The following P3H4 variants were observed in gnomAD, a reference collection of about 807,000 sequenced individuals.
P3H4 encodes prolyl 3-hydroxylase family member 4 (inactive).
Under a neutral mutation model 52.9 loss-of-function variants are expected in P3H4, and 47 were observed. The ratio of observed to expected loss-of-function variants is 0.89; its 90% CI spans 0.70 to 1.13. P3H4 has a LOEUF of 1.13. Among genes scored for constraint, P3H4 ranks in the 50% most tolerant of loss-of-function variants. P3H4 has a pLI of 0.00. For synonymous variants in P3H4, 256 were observed against 267.9 expected, an observed-to-expected ratio of 0.96 and a Z score of 0.44; for missense variants, 585 against 611.0, an observed-to-expected ratio of 0.96 and a Z score of 0.45.
At chr17:41,803,577 C>G (rs1315632434) in intron 6 of P3H4, 146 bp from the exon 7 acceptor site, 2 of 731,154 alleles carry the variant, frequency 2.7e-6, no homozygotes, top group Non-Finnish European at 2.2e-6. Context: ...TCTAATGAGA[C>G]AGTCCTGAGG....
At chr17:41,809,540 C>T (rs1297633485) in intron 4 of P3H4, among the ~76,000 whole-genome samples, 166 bp downstream of exon 4, 2 of 152,170 alleles carry the variant, frequency 1.3e-5, no homozygotes, top group Non-Finnish European at 2.9e-5. Context: ...CTGCCCCAGA[C>T]TCCCAGGGTG....
rs1408645084 is a variant in P3H4, at chr17:41,802,410, G to A, written c.*547C>T. On this transcript the variant is annotated 3_prime_UTR_variant, in exon 8 of 8. Transcript: ENST00000393928. ...TCCTGCCTCAGCTACGATTACAGGT[G>A]TGTGCCACCATGCCTGGCTAATTTT... The A allele has an allele frequency of 6.5e-6, 1 of 154,628 alleles. No individual in the cohort carries two copies. Among genetic ancestry groups the A allele is most frequent in the East Asian group, 1.9e-4 (1 of 5,174 alleles). The allele number at this position is 154,628 out of a possible 1,614,324, so 9.6% of individuals were successfully genotyped here.
Position 41,806,792 on chromosome 17 carries a change from T to TC in P3H4, c.1146+3dup. 2 of 1,612,534 alleles carry TC rather than the reference T, an allele frequency of 1.2e-6. No individual in the cohort carries two copies. The highest frequency in any genetic ancestry group is 1.7e-4 in the Middle Eastern group (1 of 6,056). ...CCCAATCCTGGAAAGCAGGAGGCAC[T>TC]CACCTCATCATCTGACTGCAGGTAC... On this transcript the variant is annotated splice_donor_region_variant and intron_variant, in intron 6 of 7. Coordinates refer to ENST00000393928, the MANE Select transcript of P3H4 (RefSeq NM_006455.3).
At chr17:41,806,947 C>T in intron 5 of P3H4, 68 bp from the exon 6 acceptor site, 1 of 1,246,098 alleles carries the variant, frequency 8.0e-7, no homozygotes, top group Non-Finnish European at 1.2e-6. Flanking sequence ...GAAGCCAGGG[C>T]TCCTAGGATC....
chr17:41,811,457 G>A lies in P3H4; in HGVS notation c.459C>T (p.Phe153=), dbSNP rs199832526. 9.1e-4 allele frequency: 1,466 copies of A among 1,612,260 alleles called. 5 individuals carry two copies. The highest frequency in any genetic ancestry group is 9.4e-4 in the Non-Finnish European group (1,110 of 1,179,724). ...CCGGGTGGGGGCGGGCTCCCACCTT[G>A]AACAGCGCGTAGTGCAGGTACTGGT... is the stretch of plus-strand genomic sequence containing the variant. ...LPYQYLHYAL[F]KANRLEKAVA... Residue 153 remains phenylalanine, a synonymous_variant, in exon 1 of 8, where the codon TTC becomes TTT. Transcript: ENST00000393928. This position sits in a 1 kb window ranked among gnomAD's most constrained non-coding sequence, Gnocchi z 4.8.
chr17:41,810,354 A>C (rs1334288597), intron 3 of P3H4, among the ~76,000 whole-genome samples: 2 of 151,742 alleles, frequency 1.3e-5, no homozygotes, highest in East Asian at 3.9e-4. Context: ...TTGTACTTTC[A>C]GTAGAGACGG....
intron 6 of P3H4, among the ~76,000 whole-genome samples, chr17:41,804,500 C>T (rs1430792757): frequency 2.0e-5 from 3 of 151,978 alleles, no homozygotes; most frequent in South Asian, 2.1e-4. Flanking sequence ...TGGTGGCACA[C>T]GCCTGTAATC....
rs183912954 is a variant in P3H4, at chr17:41,807,428, A to T, written c.1062+431T>A. 6.1e-3 allele frequency: 951 copies of T among 156,584 alleles called. 6 individuals carry two copies. Among genetic ancestry groups the T allele is most frequent in the Middle Eastern group, 0.03 (9 of 300 alleles). The allele number at this position is 156,584 out of a possible 1,614,324, so 9.7% of individuals were successfully genotyped here. A position where few individuals can be genotyped will look rare whatever the true frequency, so the allele number is the denominator to read the frequency against. On this transcript the variant is annotated intron_variant, in intron 5 of 7. Transcript: ENST00000393928. ...CTCTGAAGCCAGGACTCTAACCTCAACTCATATTCTTTCTTTCCATTTCCC... is the reference window on the plus strand; with the variant it reads ...CTCTGAAGCCAGGACTCTAACCTCATCTCATATTCTTTCTTTCCATTTCCC...
intron 3 of P3H4, among the ~76,000 whole-genome samples, chr17:41,810,205 G>A (rs887502948): frequency 5.3e-5 from 7 of 132,294 alleles, no homozygotes; most frequent in African/African-American, 2.0e-4. Flanking sequence ...ACAGAGTCTC[G>A]CCCTGTCGAC....
At position 41,807,998 on chromosome 17, in the gene P3H4, T is replaced by C; in HGVS notation, c.923A>G (p.Asp308Gly). The C allele has an allele frequency of 6.2e-7, 1 of 1,613,390 alleles. No homozygotes were observed. The highest frequency in any genetic ancestry group is 8.5e-7 in the Non-Finnish European group (1 of 1,179,630). The change falls in exon 5 of 8, where the codon GAT (aspartate) becomes GGT (glycine). Residue 308 changes from aspartate to glycine, a missense_variant. Coordinates refer to ENST00000393928, the MANE Select transcript of P3H4 (RefSeq NM_006455.3). ...YLQFAYYKLNDVRQAARSAAS... is the reference protein window; with the variant it reads ...YLQFAYYKLNGVRQAARSAAS... ...GGCGCTGCGGGCAGCCTGGCGCACA[T>C]CATTCACTGCAGCAGGACAGGGGTG...
intron 5 of P3H4, 82 bp from the exon 6 acceptor site, chr17:41,806,961 GC>G: frequency 1.0e-6 from 1 of 983,894 alleles, no homozygotes; most frequent in Non-Finnish European, 1.6e-6. Context: ...TAGGATCTGG[GC>G]CCACTGGCCC....
At chr17:41,803,129 C>T (rs2047635571) in intron 7 of P3H4, 150 bp from the exon 8 acceptor site, 13 of 1,419,864 alleles carry the variant, frequency 9.2e-6, no homozygotes, top group Non-Finnish European at 1.2e-5. Flanking sequence ...CCACCACCCC[C>T]AAGCGGGACA....
At chr17:41,805,975 C>G (rs1164453610) in intron 6 of P3H4, among the ~76,000 whole-genome samples, 1 of 152,120 alleles carries the variant, frequency 6.6e-6, no homozygotes, top group African/African-American at 2.4e-5. Flanking sequence ...AATCCCAGCA[C>G]TTTGGGAGAC....
chr17:41,809,017 C>T (rs4796708), intron 4 of P3H4, among the ~76,000 whole-genome samples: 53,170 of 152,016 alleles, frequency 0.35, 9,669 homozygotes, highest in East Asian at 0.45. Context: ...GTCATAAGAC[C>T]AACAGCCCCT....
intron 6 of P3H4, 101 bp from the exon 7 acceptor site, chr17:41,803,532 G>T: frequency 9.5e-7 from 1 of 1,052,562 alleles, no homozygotes; most frequent in Non-Finnish European, 1.4e-6. Context: ...CCATCTCTCG[G>T]TCCCCAAAGC....
chr17:41,809,659 C>T lies in P3H4; in HGVS notation c.916+47G>A, dbSNP rs376477099. ...GGGAGGCTCCCATACAGTCCTCTCC[C>T]TTATCACCTCGTCCCCTGCCCAAGC... is the stretch of plus-strand genomic sequence containing the variant. On this transcript the variant is annotated intron_variant, in intron 4 of 7. Coordinates refer to ENST00000393928, the MANE Select transcript of P3H4 (RefSeq NM_006455.3). 14 of 1,599,472 alleles carry T rather than the reference C, an allele frequency of 8.8e-6. No homozygotes were observed. The African/African-American group carries it at 1.5e-4, about 17-fold the overall frequency.
chr17:41,810,835 C>T (rs1469863), intron 3 of P3H4, 28 bp downstream of exon 3: 140,780 of 1,593,702 alleles, frequency 0.088, 6,804 homozygotes, highest in Non-Finnish European at 0.093. Context: ...GTGAGAGGAC[C>T]GCCCACCGTG....
At position 41,802,486 on chromosome 17, in the gene P3H4, G is replaced by C. The variant is rs1455205560; in HGVS notation, c.*471C>G. 6.0e-6 allele frequency: 1 copy of C among 167,082 alleles called. No homozygotes were observed. Among genetic ancestry groups the C allele is most frequent in the Non-Finnish European group, 1.3e-5 (1 of 78,810 alleles). The allele number at this position is 167,082 out of a possible 1,614,324, so 10.3% of individuals were successfully genotyped here. A position where few individuals can be genotyped will look rare whatever the true frequency, so the allele number is the denominator to read the frequency against. Reference sequence around the variant, plus strand: ...TCACCATGTTGGCCAGGCTGGTCTTGAACTCCTGACCTCAAGTGATCGGCC... The same window carrying C: ...TCACCATGTTGGCCAGGCTGGTCTTCAACTCCTGACCTCAAGTGATCGGCC... On this transcript the variant is annotated 3_prime_UTR_variant, in exon 8 of 8. Transcript: ENST00000393928.
At chr17:41,809,655 C>T (rs1335108082) in intron 4 of P3H4, 51 bp downstream of exon 4, 1 of 1,594,862 alleles carries the variant, frequency 6.3e-7, no homozygotes, top group African/African-American at 1.3e-5. Context: ...ATACAGTCCT[C>T]TCCCTTATCA....
Sources: gnomAD v4.1 joint callset for allele counts (sites outside exome capture counted in the v4.1 genomes callset) on GRCh38, gnomAD v4.1.1 for gene constraint, Gnocchi (gnomAD v3.1) non-coding constraint, MANE v1.5 for transcripts, NCBI Gene and HGNC (gene_info 2026-07-23, HGNC 2026-07-21) for gene names.